LPP: variants seen among roughly 807,000 people sequenced by gnomAD.
The protein encoded by LPP is LIM domain containing preferred translocation partner in lipoma.
A neutral mutation model predicts 60.4 loss-of-function variants in LPP; 38 were observed. The ratio of observed to expected loss-of-function variants is 0.63; its 90% CI spans 0.49 to 0.83. LPP has a LOEUF of 0.83. Ranked by LOEUF, LPP falls within the 40% of genes least tolerant of loss-of-function variation. The pLI, the probability that LPP is intolerant of heterozygous loss-of-function variation, is 0.00. For synonymous variants in LPP, 328 were observed against 290.8 expected (o/e 1.13, Z -1.30); for missense variants, 902 against 783.6 (o/e 1.15, Z -1.80).
chr3:188,556,884 C>T (rs1468234145), intron 6 of LPP, among the ~76,000 whole-genome samples: 1 of 151,940 alleles, frequency 6.6e-6, no homozygotes, highest in Non-Finnish European at 1.5e-5. Context: ...CTGGAATTAC[C>T]TATAAATAAA....
intron 4 of LPP, among the ~76,000 whole-genome samples, chr3:188,407,784 GTTTGTTT>G: frequency 8.7e-6 from 1 of 114,840 alleles, no homozygotes; most frequent in African/African-American, 3.7e-5. Context: ...TTTTTTGTTT[GTTTGTTT>G]TTTTTTTTTT....
chr3:188,333,250 A>T (rs1760650751), intron 2 of LPP, among the ~76,000 whole-genome samples: 1 of 152,164 alleles, frequency 6.6e-6, no homozygotes, highest in Non-Finnish European at 1.5e-5. Context: ...ATTGGCACTG[A>T]GTAATTATAT....
intron 6 of LPP, among the ~76,000 whole-genome samples, chr3:188,598,617 C>T (rs1348623017): frequency 6.6e-6 from 1 of 152,118 alleles, no homozygotes; most frequent in Non-Finnish European, 1.5e-5. Context: ...TGTCAATATA[C>T]ATATGAACCA....
chr3:188,640,383 G>C (rs1364285619), intron 7 of LPP, among the ~76,000 whole-genome samples: 1 of 113,264 alleles, frequency 8.8e-6, no homozygotes, highest in African/African-American at 3.3e-5. Context: ...TGGGGGGAGG[G>C]GGGAGGGATA....
chr3:188,185,323 G>T (rs1489399271), intron 1 of LPP, among the ~76,000 whole-genome samples: 1 of 152,066 alleles, frequency 6.6e-6, no homozygotes, highest in African/African-American at 2.4e-5. Flanking sequence ...GGGAAGGAGA[G>T]AATATCCACT....
At chr3:188,421,458 C>T (rs951132504) in intron 4 of LPP, among the ~76,000 whole-genome samples, 3 of 152,138 alleles carry the variant, frequency 2.0e-5, no homozygotes. Flanking sequence ...CTGGAGCCTG[C>T]CACTGTGTTT....
At chr3:188,506,816 G>C (rs947110356) in intron 5 of LPP, among the ~76,000 whole-genome samples, 2 of 151,492 alleles carry the variant, frequency 1.3e-5, no homozygotes, top group Non-Finnish European at 2.9e-5. Context: ...TATTTTTTTT[G>C]AGATGGAGTC....
intron 1 of LPP, among the ~76,000 whole-genome samples, chr3:188,188,767 A>G (rs1727314291): frequency 6.6e-6 from 1 of 152,168 alleles, no homozygotes; most frequent in African/African-American, 2.4e-5. Context: ...ATGCTGCATC[A>G]TTGTTGGTCA....
intron 5 of LPP, among the ~76,000 whole-genome samples, chr3:188,501,730 C>T (rs1471664673): frequency 6.7e-6 from 1 of 148,994 alleles, no homozygotes; most frequent in Non-Finnish European, 1.5e-5. Context: ...CAGAGGAAGA[C>T]TCCATCTCAA....
intron 1 of LPP, among the ~76,000 whole-genome samples, chr3:188,210,807 G>A (rs975464848): frequency 6.6e-6 from 1 of 151,758 alleles, no homozygotes; most frequent in African/African-American, 2.4e-5. Flanking sequence ...CTCCTGTTGG[G>A]ATGCAGGAAG....
rs1322341265 is a variant in LPP, at chr3:188,883,774, A to G, written c.*9295A>G. ...AAAAAAGGTTGGGAAATATTGGTGT[A>G]TAATCCCCATGTCTAACAAGGAAGA... On this transcript the variant is annotated 3_prime_UTR_variant, in exon 12 of 12. Transcript: ENST00000617246. The G allele has an allele frequency of 5.5e-6, 1 of 183,302 alleles. No individual in the cohort carries two copies. Among genetic ancestry groups the G allele is most frequent in the Non-Finnish European group, 1.1e-5 (1 of 87,652 alleles). 11.4% of individuals were successfully genotyped at this position (183,302 alleles called of 1,614,324 possible).
At chr3:188,852,468 TG>T (rs1762893632) in intron 9 of LPP, among the ~76,000 whole-genome samples, 1 of 152,202 alleles carries the variant, frequency 6.6e-6, no homozygotes, top group South Asian at 2.1e-4. Context: ...TGTTGAGAAG[TG>T]GGGTATAATA....
chr3:188,465,945 C>G (rs1444411590), intron 4 of LPP, among the ~76,000 whole-genome samples: 1 of 152,116 alleles, frequency 6.6e-6, no homozygotes, highest in Non-Finnish European at 1.5e-5. Context: ...TGTTTTTAAG[C>G]CTTTCTACCA....
At chr3:188,281,007 T>C (rs533674169) in intron 2 of LPP, among the ~76,000 whole-genome samples, 1 of 151,552 alleles carries the variant, frequency 6.6e-6, no homozygotes, top group African/African-American at 2.4e-5. Context: ...CAATATCTGC[T>C]CACTGCAACC....
At chr3:188,340,928 T>C (rs9877579) in intron 2 of LPP, among the ~76,000 whole-genome samples, 58,094 of 152,004 alleles carry the variant, frequency 0.38, 12,869 homozygotes, top group African/African-American at 0.6. Context: ...TAACCATATA[T>C]ATGGAATAAT....
rs369516786 is a variant in LPP at position 188,428,600 on chromosome 3, T to A, written c.193+22287T>A. On this transcript the variant is annotated intron_variant, in intron 4 of 11. Transcript: ENST00000617246. ...GGGCACTATATATATATATATATTT[T>A]TTTTTTTTAACACTATCCATTTTTA... 8.9e-3 allele frequency among the ~76,000 whole-genome samples: 950 copies of A among 107,188 alleles called. 6 individuals are homozygous for A. Among genetic ancestry groups the A allele is most frequent in the African/African-American group, 0.032 (841 of 26,614 alleles). The allele number at this position is 107,188 out of a possible 152,430, so 70.3% of individuals were successfully genotyped here. A position where few individuals can be genotyped will look rare whatever the true frequency, so the allele number is the denominator to read the frequency against.
At chr3:188,751,230 A>G (rs907128009) in intron 8 of LPP, among the ~76,000 whole-genome samples, 2 of 152,164 alleles carry the variant, frequency 1.3e-5, no homozygotes, top group African/African-American at 4.8e-5. Context: ...TCCTACCACA[A>G]AAGCTAAAAG....
At chr3:188,642,180 C>G (rs887566112) in intron 7 of LPP, among the ~76,000 whole-genome samples, 1 of 151,944 alleles carries the variant, frequency 6.6e-6, no homozygotes, top group Admixed American at 6.6e-5. Context: ...TTCAGAAAAC[C>G]AGTAGTCAAG....
intron 4 of LPP, among the ~76,000 whole-genome samples, chr3:188,442,007 G>A (rs995500529): frequency 2.6e-5 from 4 of 152,120 alleles, no homozygotes; most frequent in African/African-American, 4.8e-5. Context: ...ACTCTACAGG[G>A]GCATCATTGT....
Sources: gnomAD v4.1 joint callset for allele counts (sites outside exome capture counted in the v4.1 genomes callset) on GRCh38, gnomAD v4.1.1 for gene constraint, MANE v1.5 for transcripts, NCBI Gene and HGNC (gene_info 2026-07-23, HGNC 2026-07-21) for gene names.